UTP18: variants seen among roughly 807,000 people sequenced by gnomAD.
UTP18 encodes the protein U3 small nucleolar RNA-associated protein 18 homolog.
Under a neutral mutation model 61.1 loss-of-function variants are expected in UTP18, and 36 were observed. That is an observed-to-expected ratio of 0.59 (90% CI 0.45 to 0.78). UTP18 has a LOEUF of 0.78. UTP18 is among the 30% of genes least tolerant of loss of function. UTP18 has a pLI of 0.00. For synonymous variants in UTP18, 282 were observed against 251.1 expected (o/e 1.12, Z -1.16); for missense variants, 753 against 693.9 (o/e 1.09, Z -0.96).
At position 51,260,554 on chromosome 17, in the gene UTP18, T is replaced by C. The variant is rs1350217467; in HGVS notation, c.-31T>C. On this transcript the variant is annotated 5_prime_UTR_variant, in exon 1 of 14. Coordinates refer to ENST00000225298, the MANE Select transcript of UTP18 (RefSeq NM_016001.3). ...GGCGCATGCGCAGCGAGGTTCCACG[T>C]GAGCGCCTGCGTTTCTCCTCAAACC... 1.3e-6 allele frequency: 2 copies of C among 1,594,460 alleles called. No homozygotes were observed. Among genetic ancestry groups the C allele is most frequent in the Non-Finnish European group, 1.7e-6 (2 of 1,172,408 alleles).
chr17:51,260,947 C>T, intron 1 of UTP18, 21 bp downstream of exon 1: 1 of 1,504,336 alleles, frequency 6.6e-7, no homozygotes, highest in Non-Finnish European at 8.8e-7. Context: ...CCGCGGCGCG[C>T]GGGCTGGGCG....
chr17:51,297,075 G>T, intron 13 of UTP18, 72 bp downstream of exon 13: 1 of 1,311,984 alleles, frequency 7.6e-7, no homozygotes, highest in East Asian at 2.5e-5. Flanking sequence ...GGTGGAAGCA[G>T]CACATTAGCT....
intron 1 of UTP18, among the ~76,000 whole-genome samples, chr17:51,262,908 A>T (rs1391916016): frequency 6.6e-6 from 1 of 152,146 alleles, no homozygotes; most frequent in African/African-American, 2.4e-5. Flanking sequence ...GAAAATGGAG[A>T]TATCTTTGAC....
In UTP18 at chr17:51,273,479, A is replaced by G. The variant is rs1185553897; in HGVS notation, c.711+29A>G. On this transcript the variant is annotated intron_variant, in intron 5 of 13. Transcript: ENST00000225298. ...AGAGTCAGTGAAGTTGGGGGATCCT[A>G]TCTAACTACTTACCTCTGCAGTTTA... 3.3e-5 allele frequency: 51 copies of G among 1,543,038 alleles called. 1 individual carries two copies. The highest frequency in any genetic ancestry group is 3.9e-5 in the Non-Finnish European group (44 of 1,123,490).
chr17:51,279,909 C>T (rs758634794), intron 7 of UTP18, 96 bp from the exon 8 acceptor site: 4 of 1,004,430 alleles, frequency 4.0e-6, no homozygotes, highest in Middle Eastern at 3.2e-4. Context: ...GAGCCACTTA[C>T]GTATTTTAAA....
intron 5 of UTP18, among the ~76,000 whole-genome samples, chr17:51,274,258 T>C (rs1330745926): frequency 6.6e-6 from 1 of 152,220 alleles, no homozygotes; most frequent in Non-Finnish European, 1.5e-5. Context: ...TAGACAAGAC[T>C]TTCTCTAAAG....
At chr17:51,288,436 C>G in intron 11 of UTP18, 1 of 522,798 alleles carries the variant, frequency 1.9e-6, no homozygotes, top group Non-Finnish European at 3.5e-6. Context: ...TCTCACCATT[C>G]CTAAAGTGGT....
At chr17:51,264,636 A>G (rs1220520153) in intron 2 of UTP18, among the ~76,000 whole-genome samples, 1 of 149,718 alleles carries the variant, frequency 6.7e-6, no homozygotes, top group South Asian at 2.1e-4. Context: ...GTAGTGGGTA[A>G]TATCTCTACC....
chr17:51,280,064 A>C lies in UTP18; in HGVS notation c.1072A>C (p.Ile358Leu). 1 of 1,614,016 alleles carries C rather than the reference A, an allele frequency of 6.2e-7. No individual in the cohort carries two copies. Among genetic ancestry groups the C allele is most frequent in the Non-Finnish European group, 8.5e-7 (1 of 1,179,946 alleles). Residue 358 changes from isoleucine to leucine, a missense_variant, in exon 8 of 14, where the codon ATA becomes CTA. Physicochemically the swap from Ile to Leu is conservative, Grantham distance 5 (BLOSUM62 2). Coordinates refer to ENST00000225298, the MANE Select transcript of UTP18 (RefSeq NM_016001.3). The stretch of plus-strand genomic sequence containing the variant: ...CTCCCCAGATGGGTCCTTCTTGCTC[A>C]TAAATGGCATTGCTGGATATTTGCA... ...EVSPDGSFLL[I>L]NGIAGYLHLL...
chr17:51,279,457 T>G (rs1367454254), intron 7 of UTP18, among the ~76,000 whole-genome samples: 1 of 152,200 alleles, frequency 6.6e-6, no homozygotes, highest in Non-Finnish European at 1.5e-5. Context: ...AGTCAGTCCT[T>G]AAGTAAACTG....
Position 51,283,069 on chromosome 17 carries a change from G to T in UTP18, c.1205-2176G>T, listed in dbSNP as rs571385798. Among the ~76,000 whole-genome samples, 47 of 151,354 alleles carry T rather than the reference G, an allele frequency of 3.1e-4. 1 individual carries two copies. The highest frequency in any genetic ancestry group is 1.5e-3 in the South Asian group (7 of 4,800). On this transcript the variant is annotated intron_variant, in intron 9 of 13. Transcript: ENST00000225298. ...ATTTTAGTAGAGACGGGGTTTTCTT[G>T]TGTTGCCCAGGCTGGTCTCGAACTC...
chr17:51,267,171 G>T (rs1455514120), intron 3 of UTP18, among the ~76,000 whole-genome samples: 1 of 152,000 alleles, frequency 6.6e-6, no homozygotes. Context: ...TCGCCATGTC[G>T]CCCAGGCTGG....
chr17:51,286,811 CATT>C (rs1298269373), intron 10 of UTP18, among the ~76,000 whole-genome samples: 4 of 151,988 alleles, frequency 2.6e-5, no homozygotes, highest in Non-Finnish European at 4.4e-5. Context: ...TGTTTAAACT[CATT>C]ATAAGTAGTT....
In UTP18 at chr17:51,297,012, AC is replaced by A. The variant is rs773834809; in HGVS notation, c.*14+12del. On this transcript the variant is annotated intron_variant, in intron 13 of 13. Transcript: ENST00000225298. ...TAAAGAGACTATTTGAAGTAAGAAAACCCTTTTCTTACAAATTCTGCAGGTT... is the reference window on the plus strand; with the variant it reads ...TAAAGAGACTATTTGAAGTAAGAAAACCTTTTCTTACAAATTCTGCAGGTT... 15 of 1,602,054 alleles carry A rather than the reference AC, an allele frequency of 9.4e-6. No homozygotes were observed. Among genetic ancestry groups the A allele is most frequent in the Non-Finnish European group, 1.3e-5 (15 of 1,175,310 alleles).
chr17:51,263,451 A>G, intron 2 of UTP18, 65 bp downstream of exon 2: 1 of 1,194,460 alleles, frequency 8.4e-7, no homozygotes, highest in Middle Eastern at 2.2e-4. Context: ...TGCAGATTTT[A>G]AAATCATTCT....
intron 9 of UTP18, among the ~76,000 whole-genome samples, chr17:51,284,492 C>T (rs1597851439): frequency 6.6e-6 from 1 of 152,204 alleles, no homozygotes; most frequent in South Asian, 2.1e-4. Context: ...TCTTCCTCTT[C>T]CATCATCATT....
intron 5 of UTP18, 91 bp downstream of exon 5, chr17:51,273,541 A>T: frequency 1.2e-6 from 1 of 831,784 alleles, no homozygotes; most frequent in Non-Finnish European, 1.8e-6. Context: ...GATTCCTATT[A>T]TCTGTGGGGT....
At chr17:51,287,937 T>C in intron 10 of UTP18, 92 bp from the exon 11 acceptor site, 1 of 967,926 alleles carries the variant, frequency 1.0e-6, no homozygotes, top group Non-Finnish European at 1.4e-6. Flanking sequence ...TTCCTGTAAA[T>C]ACCAGTTTGT....
chr17:51,286,653 C>T (rs2144436502), intron 10 of UTP18: 2 of 444,806 alleles, frequency 4.5e-6, no homozygotes, highest in East Asian at 7.0e-5. Context: ...GATGAAGGCC[C>T]CTTCCTTTCC....
Sources: gnomAD v4.1 joint callset for allele counts (sites outside exome capture counted in the v4.1 genomes callset) on GRCh38, gnomAD v4.1.1 for gene constraint, MANE v1.5 for transcripts, NCBI Gene and HGNC (gene_info 2026-07-23, HGNC 2026-07-21) for gene names.